PCDHGA10: variants seen among roughly 807,000 people sequenced by gnomAD.
The protein encoded by PCDHGA10 is protocadherin gamma subfamily A, 10, also known as protocadherin gamma-A10.
In PCDHGA10, 42 loss-of-function variants were observed where a neutral mutation model predicts 59.5. That is an observed-to-expected ratio of 0.71 (90% CI 0.55 to 0.91). PCDHGA10 has a LOEUF of 0.91. PCDHGA10 is among the 40% of genes least tolerant of loss of function. The pLI is 0.00. For synonymous variants in PCDHGA10, 511 were observed against 517.2 expected, an observed-to-expected ratio of 0.99 and a Z score of 0.16; for missense variants, 1,111 against 1,198.2, an observed-to-expected ratio of 0.93 and a Z score of 1.07.
At position 141,418,010 on chromosome 5, in the gene PCDHGA10, G is replaced by T. The variant is rs185303697; in HGVS notation, c.2436+2399G>T. Reference sequence around the variant, plus strand: ...CAAGGGCTCGGTGGTGGGGAACCTCGCTAAGGATCTAGGGCTTAGTGTCCT... The same window carrying T: ...CAAGGGCTCGGTGGTGGGGAACCTCTCTAAGGATCTAGGGCTTAGTGTCCT... On this transcript the variant is annotated intron_variant, in intron 1 of 3. Coordinates refer to ENST00000398610, the MANE Select transcript of PCDHGA10 (RefSeq NM_018913.3). 2.9e-5 allele frequency: 46 copies of T among 1,613,912 alleles called. No individual in the cohort carries two copies. The Middle Eastern group carries it at 5.0e-4, about 17-fold the overall frequency.
chr5:141,426,717 G>A (rs974405285), intron 1 of PCDHGA10: 1 of 446,052 alleles, frequency 2.2e-6, no homozygotes, highest in African/African-American at 2.0e-5. Flanking sequence ...CAATGAACTA[G>A]CAATTCCAGG....
intron 1 of PCDHGA10, chr5:141,478,786 C>T: frequency 6.8e-7 from 1 of 1,480,998 alleles, no homozygotes; most frequent in Non-Finnish European, 9.0e-7. Context: ...ACCTAATTCA[C>T]ATCCTCAGCA....
chr5:141,509,447 C>T (rs898280593), intron 3 of PCDHGA10, among the ~76,000 whole-genome samples: 2 of 152,128 alleles, frequency 1.3e-5, no homozygotes, highest in Admixed American at 6.5e-5. Context: ...CCTCCTCTCC[C>T]ACCCCCGACC....
chr5:141,468,229 G>A (rs1363462610), intron 1 of PCDHGA10, among the ~76,000 whole-genome samples: 4 of 150,884 alleles, frequency 2.7e-5, no homozygotes, highest in Non-Finnish European at 5.9e-5. Flanking sequence ...GGAGGATGAG[G>A]TAGGAGAATT....
At chr5:141,419,431 G>A in intron 1 of PCDHGA10, 2 of 1,613,306 alleles carry the variant, frequency 1.2e-6, no homozygotes. Context: ...ACCACGAGCA[G>A]CTGCGCACCT....
chr5:141,436,277 T>G (rs2097806022), intron 1 of PCDHGA10, among the ~76,000 whole-genome samples: 1 of 152,194 alleles, frequency 6.6e-6, no homozygotes, highest in Non-Finnish European at 1.5e-5. Flanking sequence ...TAACTTGATT[T>G]AGGAACAAAT....
chr5:141,492,579 G>T (rs547852117), intron 1 of PCDHGA10, among the ~76,000 whole-genome samples: 2 of 152,356 alleles, frequency 1.3e-5, no homozygotes, highest in East Asian at 1.9e-4. Context: ...GAGGCGCGGG[G>T]CCAGGAGCGC....
chr5:141,455,936 C>T (rs1194722770), intron 1 of PCDHGA10, among the ~76,000 whole-genome samples: 3 of 151,422 alleles, frequency 2.0e-5, no homozygotes, highest in East Asian at 3.9e-4. Flanking sequence ...CTCGCTCTGT[C>T]GCCCAGGCTG....
At chr5:141,419,325 AC>A (rs768622826) in intron 1 of PCDHGA10, 1 of 1,613,702 alleles carries the variant, frequency 6.2e-7, no homozygotes, top group Non-Finnish European at 8.5e-7. Context: ...CGTGTCTCCT[AC>A]TCTCTCATTG....
chr5:141,492,720 A>G (rs1161942205), intron 1 of PCDHGA10, among the ~76,000 whole-genome samples: 1 of 152,256 alleles, frequency 6.6e-6, no homozygotes, highest in East Asian at 1.9e-4. Context: ...GCAGGCGGAC[A>G]GGCAGAGCTG....
chr5:141,436,875 A>C (rs1182313546), intron 1 of PCDHGA10, among the ~76,000 whole-genome samples: 3 of 152,236 alleles, frequency 2.0e-5, no homozygotes, highest in African/African-American at 7.2e-5. Context: ...TTAGGCCATA[A>C]AAGATGGGGG....
chr5:141,497,237 T>C (rs933112169), intron 2 of PCDHGA10, among the ~76,000 whole-genome samples: 3 of 152,038 alleles, frequency 2.0e-5, no homozygotes, highest in Non-Finnish European at 4.4e-5. Context: ...AGAAGGCTTC[T>C]AGGAGGAGGT....
intron 2 of PCDHGA10, among the ~76,000 whole-genome samples, chr5:141,496,347 T>C (rs1168306693): frequency 6.6e-6 from 1 of 152,198 alleles, no homozygotes; most frequent in Non-Finnish European, 1.5e-5. Context: ...TGGAGGAGTC[T>C]CAGAGCCCAG....
chr5:141,450,829 A>ATTTTTT (rs373424450), intron 1 of PCDHGA10, among the ~76,000 whole-genome samples: 1 of 135,126 alleles, frequency 7.4e-6, no homozygotes. Context: ...TATTATTATT[A>ATTTTTT]TTTTTTTTTT....
At chr5:141,466,054 G>A (rs2099115921) in intron 1 of PCDHGA10, among the ~76,000 whole-genome samples, 1 of 152,080 alleles carries the variant, frequency 6.6e-6, no homozygotes, top group Non-Finnish European at 1.5e-5. Context: ...CCCAGGAGAC[G>A]GAGCTTGCAG....
intron 1 of PCDHGA10, among the ~76,000 whole-genome samples, chr5:141,467,938 C>A (rs527892047): frequency 9.8e-5 from 15 of 152,304 alleles, no homozygotes; most frequent in Non-Finnish European, 1.5e-4. Flanking sequence ...GGATTACAAG[C>A]ATGAGCCACC....
chr5:141,472,542 G>GA (rs904556404), intron 1 of PCDHGA10, among the ~76,000 whole-genome samples: 21 of 147,124 alleles, frequency 1.4e-4, no homozygotes, highest in Admixed American at 7.4e-4. Flanking sequence ...ACCATCTCAA[G>GA]AAAAAAAAAA....
In PCDHGA10 at chr5:141,490,706, T is replaced by C. The variant is rs777636562; in HGVS notation, c.2437-4101T>C. On this transcript the variant is annotated intron_variant, in intron 1 of 3. Coordinates refer to ENST00000398610, the MANE Select transcript of PCDHGA10 (RefSeq NM_018913.3). This position sits in a 1 kb window ranked among gnomAD's most constrained non-coding sequence, Gnocchi z 5.4. ...CCAGACACTGGGGATAATGCCCGCC[T>C]CACCTACTCCATTGTAGGAAATCAG... is the stretch of plus-strand genomic sequence containing the variant. The C allele has an allele frequency of 6.2e-7, 1 of 1,614,074 alleles. No homozygotes were observed. Among genetic ancestry groups the C allele is most frequent in the African/African-American group, 1.3e-5 (1 of 74,948 alleles).
intron 1 of PCDHGA10, among the ~76,000 whole-genome samples, chr5:141,473,350 G>A (rs28461214): frequency 0.13 from 19,833 of 152,204 alleles, 1,410 homozygotes; most frequent in African/African-American, 0.17. Context: ...CAGTGAGGAT[G>A]CAAGTGGCCA....
Sources: allele counts gnomAD v4.1 joint callset (sites outside exome capture counted in the v4.1 genomes callset), GRCh38; gene constraint gnomAD v4.1.1; non-coding constraint Gnocchi (gnomAD v3.1); transcripts MANE v1.5; gene names NCBI Gene and HGNC (gene_info 2026-07-23, HGNC 2026-07-21).